Variants in TENM3 observed in about 807,000 individuals in gnomAD.
TENM3 encodes the protein teneurin transmembrane protein 3, also known as teneurin-3.
In TENM3, 63 loss-of-function variants were observed where a neutral mutation model predicts 255.1. The ratio of observed to expected loss-of-function variants is 0.25; its 90% confidence interval spans 0.20 to 0.30. TENM3 has a LOEUF of 0.30. TENM3 is among the 10% of genes least tolerant of loss of function. The probability of loss-of-function intolerance (pLI) is 1.00; values close to 1 mark genes in which losing one functional copy is unlikely to be tolerated. For missense variants in TENM3, 2,929 were observed against 3,461.1 expected, an observed-to-expected ratio of 0.85 and a Z score of 3.86; for synonymous variants, 1,306 against 1,322.3, an observed-to-expected ratio of 0.99 and a Z score of 0.27.
the TENM3 span, among the ~76,000 whole-genome samples, chr4:181,856,044 GGAAGGAAAGGGAAA>G: frequency 4.6e-4 from 13 of 28,524 alleles, no homozygotes; most frequent in African/African-American, 8.7e-4. Flanking sequence ...GAAGAAGGAA[GGAAGGAAAGGGAAA>G]GAAGGAAGGA....
At chr4:181,880,083 ATAT>A in the TENM3 span, among the ~76,000 whole-genome samples, 1 of 152,128 alleles carries the variant, frequency 6.6e-6, no homozygotes, top group Non-Finnish European at 1.5e-5. Context: ...AGACTTCATA[ATAT>A]TATTCATTCA....
At chr4:181,577,090 A>C in the TENM3 span, among the ~76,000 whole-genome samples, 1 of 119,480 alleles carries the variant, frequency 8.4e-6, no homozygotes, top group Non-Finnish European at 1.6e-5. Context: ...TATAATATAT[A>C]ATATATATTT....
At chr4:181,875,253 A>G in the TENM3 span, among the ~76,000 whole-genome samples, 31 of 152,268 alleles carry the variant, frequency 2.0e-4, no homozygotes, top group African/African-American at 7.5e-4. Context: ...ACTCTCAAAA[A>G]TATCCTCACT....
At chr4:182,424,272 G>T (rs1350806275) in intron 3 of TENM3, among the ~76,000 whole-genome samples, 7 of 151,990 alleles carry the variant, frequency 4.6e-5, no homozygotes, top group Admixed American at 3.9e-4. Context: ...AAGTGAAAAA[G>T]CAAAAATATA....
chr4:182,178,641 TA>T (rs1178205441), intron 1 of TENM3, among the ~76,000 whole-genome samples: 3 of 152,310 alleles, frequency 2.0e-5, no homozygotes, highest in Non-Finnish European at 2.9e-5. Flanking sequence ...ATATTTAAGC[TA>T]AATGGTTTGA....
chr4:182,696,508 CGA>C (rs1757429906), intron 12 of TENM3, among the ~76,000 whole-genome samples: 2 of 152,056 alleles, frequency 1.3e-5, no homozygotes, highest in African/African-American at 2.4e-5. Context: ...GGGTAGATCA[CGA>C]GGTCAGGAGA....
intron 1 of TENM3, among the ~76,000 whole-genome samples, chr4:182,289,859 A>C (rs1426529401): frequency 1.3e-5 from 2 of 152,106 alleles, no homozygotes; most frequent in Non-Finnish European, 2.9e-5. Flanking sequence ...AAGTTGCTTC[A>C]GTGTCGGGTT....
chr4:182,141,034 G>A (rs1561130283), upstream of TENM3, among the ~76,000 whole-genome samples: 2 of 128,128 alleles, frequency 1.6e-5, no homozygotes, highest in Non-Finnish European at 3.2e-5. Flanking sequence ...AAAGGCCCCA[G>A]GCATGCATTC....
At chr4:182,317,581 T>G (rs774370090) in intron 1 of TENM3, among the ~76,000 whole-genome samples, 1 of 152,162 alleles carries the variant, frequency 6.6e-6, no homozygotes. Flanking sequence ...GTGCTGGAAT[T>G]GCAGGTGTGA....
the TENM3 span, among the ~76,000 whole-genome samples, chr4:181,525,570 T>C: frequency 3.9e-5 from 6 of 152,140 alleles, no homozygotes; most frequent in Admixed American, 6.5e-5. Flanking sequence ...CCTAATGTTA[T>C]GGAATATTTA....
At chr4:182,490,209 TG>T (rs1454313044) in intron 3 of TENM3, among the ~76,000 whole-genome samples, 1 of 152,226 alleles carries the variant, frequency 6.6e-6, no homozygotes, top group African/African-American at 2.4e-5. Context: ...TGTTGTTACG[TG>T]AGATACTTGG....
chr4:182,419,022 A>G (rs1354589350), intron 3 of TENM3, among the ~76,000 whole-genome samples: 1 of 152,218 alleles, frequency 6.6e-6, no homozygotes, highest in African/African-American at 2.4e-5. Context: ...GTTTTGGAAA[A>G]TTAGTTTTCA....
the TENM3 span, among the ~76,000 whole-genome samples, chr4:182,040,359 C>G: frequency 6.6e-6 from 1 of 152,020 alleles, no homozygotes; most frequent in Non-Finnish European, 1.5e-5. Context: ...GAACACAGTC[C>G]GGTTTCCAAA....
chr4:182,256,908 A>G (rs1003507412), intron 1 of TENM3, among the ~76,000 whole-genome samples: 1 of 151,824 alleles, frequency 6.6e-6, no homozygotes, highest in Non-Finnish European at 1.5e-5. Context: ...TTTAAAAATA[A>G]TTATTAAAAA....
At chr4:181,836,183 G>GCACACACACACACA in the TENM3 span, among the ~76,000 whole-genome samples, 9 of 148,844 alleles carry the variant, frequency 6.0e-5, no homozygotes, top group Non-Finnish European at 7.4e-5. Context: ...ATACACACAT[G>GCACACACACACACA]CACACACACA....
intron 3 of TENM3, among the ~76,000 whole-genome samples, chr4:182,419,262 T>G (rs1007356908): frequency 6.6e-6 from 1 of 152,042 alleles, no homozygotes; most frequent in Admixed American, 6.6e-5. Context: ...AACAGACACA[T>G]GAAAAAATGC....
the TENM3 span, among the ~76,000 whole-genome samples, chr4:181,560,422 C>T: frequency 6.6e-6 from 1 of 152,152 alleles, no homozygotes; most frequent in Non-Finnish European, 1.5e-5. Flanking sequence ...CATTCATTTG[C>T]TTTGTTTTAT....
At chr4:181,982,092 G>A in the TENM3 span, among the ~76,000 whole-genome samples, 3 of 152,236 alleles carry the variant, frequency 2.0e-5, no homozygotes. Context: ...CAAAGCTGGG[G>A]TCCATAATAA....
chr4:181,676,889 A>G, the TENM3 span, among the ~76,000 whole-genome samples: 8 of 152,100 alleles, frequency 5.3e-5, no homozygotes, highest in South Asian at 1.7e-3. Context: ...AGTCCTCGTT[A>G]GAGATCTTCA....
Sources: allele counts gnomAD v4.1 joint callset (sites outside exome capture counted in the v4.1 genomes callset), GRCh38; gene constraint gnomAD v4.1.1; transcripts MANE v1.5; gene names NCBI Gene and HGNC (gene_info 2026-07-23, HGNC 2026-07-21).